TNS3: variants seen among roughly 807,000 people sequenced by gnomAD.
TNS3 encodes the protein tensin-3.
Under a neutral mutation model 140.9 loss-of-function variants are expected in TNS3, and 45 were observed. That is an observed-to-expected ratio of 0.32 (90% CI 0.25 to 0.41). TNS3 has a LOEUF of 0.41. Ranked by LOEUF, TNS3 falls within the 10% of genes least tolerant of loss-of-function variation. TNS3 has a pLI of 1.00. For missense variants in TNS3, 1,716 were observed against 1,906.7 expected, an observed-to-expected ratio of 0.90 and a Z score of 1.86; for synonymous variants, 815 against 788.4, an observed-to-expected ratio of 1.03 and a Z score of -0.56.
At chr7:47,468,258 T>C (rs1796804551) in intron 4 of TNS3, among the ~76,000 whole-genome samples, 1 of 152,028 alleles carries the variant, frequency 6.6e-6, no homozygotes, top group African/African-American at 2.4e-5. Flanking sequence ...CTGGCCAACA[T>C]GATGAAACCC....
At chr7:47,521,423 C>T (rs1798974806) in intron 2 of TNS3, among the ~76,000 whole-genome samples, 1 of 152,222 alleles carries the variant, frequency 6.6e-6, no homozygotes, top group Non-Finnish European at 1.5e-5. Flanking sequence ...GACAAGACAG[C>T]ACTCCACTTT....
chr7:47,544,154 C>T (rs555060760), intron 1 of TNS3, among the ~76,000 whole-genome samples: 29 of 152,108 alleles, frequency 1.9e-4, no homozygotes, highest in African/African-American at 6.5e-4. Context: ...AGCTAAGTCC[C>T]TGGTAGGATC....
intron 21 of TNS3, among the ~76,000 whole-genome samples, chr7:47,304,007 C>T (rs1401251627): frequency 6.6e-6 from 1 of 152,184 alleles, no homozygotes; most frequent in Non-Finnish European, 1.5e-5. Context: ...CGTGTGCCCT[C>T]GGGAGTAGAA....
At position 47,512,471 on chromosome 7, in the gene TNS3, T is replaced by C. The variant is rs555289230; in HGVS notation, c.-152-5527A>G. On this transcript the variant is annotated intron_variant, in intron 2 of 30. Transcript: ENST00000311160. ...TACCTAAGCAATAAAAAGATAAAAT[T>C]ACATATATATACAAACAAAATATTA... Among the ~76,000 whole-genome samples, 3 of 152,308 alleles carry C rather than the reference T, an allele frequency of 2.0e-5. No individual in the cohort carries two copies. The East Asian group carries it at 5.8e-4, about 29-fold the overall frequency.
intron 4 of TNS3, among the ~76,000 whole-genome samples, chr7:47,472,796 C>T (rs1365393970): frequency 6.6e-6 from 1 of 152,180 alleles, no homozygotes; most frequent in African/African-American, 2.4e-5. Flanking sequence ...AACCAGCCTG[C>T]ACTACATCCA....
At chr7:47,572,934 A>T (rs1265871879) in intron 1 of TNS3, among the ~76,000 whole-genome samples, 1 of 152,148 alleles carries the variant, frequency 6.6e-6, no homozygotes, top group African/African-American at 2.4e-5. Flanking sequence ...TTTTCATCAG[A>T]ATAATCTGGT....
chr7:47,482,284 A>G (rs1208154196), intron 3 of TNS3, among the ~76,000 whole-genome samples: 9 of 152,186 alleles, frequency 5.9e-5, no homozygotes, highest in Non-Finnish European at 1.3e-4. Context: ...ATAACTATTT[A>G]TAGCCTCTTG....
chr7:47,555,784 G>A (rs1313641663), intron 1 of TNS3, among the ~76,000 whole-genome samples: 1 of 152,192 alleles, frequency 6.6e-6, no homozygotes, highest in East Asian at 1.9e-4. Context: ...TAGACATACT[G>A]CCATTTTCAC....
intron 20 of TNS3, among the ~76,000 whole-genome samples, chr7:47,308,505 T>C (rs1356965820): frequency 6.6e-6 from 1 of 152,246 alleles, no homozygotes; most frequent in Non-Finnish European, 1.5e-5. Flanking sequence ...TTTGATTGCC[T>C]GGTAATTTTT....
intron 4 of TNS3, among the ~76,000 whole-genome samples, chr7:47,457,790 C>G (rs1461027488): frequency 2.0e-5 from 3 of 152,194 alleles, no homozygotes; most frequent in Non-Finnish European, 4.4e-5. Flanking sequence ...AGGCAGGGAG[C>G]CTGACTCAAA....
At chr7:47,419,406 A>G (rs1794254934) in intron 10 of TNS3, among the ~76,000 whole-genome samples, 1 of 152,264 alleles carries the variant, frequency 6.6e-6, no homozygotes, top group Non-Finnish European at 1.5e-5. Flanking sequence ...CAGTGAGAGA[A>G]GTATGACAGT....
Position 47,303,009 on chromosome 7 carries a change from G to A in TNS3, c.3398C>T (p.Pro1133Leu). ...AAAGTCGGGAAGGACATTTGGGAAG[G>A]GGATACTGATGGTGCTCCCGCTGTG... ...SPHSGSTISI[P>L]FPNVLPDFSK... The change falls in exon 22 of 31, where the codon CCC becomes CTC. Residue 1133 changes from proline (P) to leucine (L), a missense_variant. By Grantham distance (98) the Pro-to-Leu change is moderately conservative. This residue lies in a region of TNS3 where 1,163 missense variants were observed against 1,182.1 expected (regional missense o/e 0.98). Coordinates refer to ENST00000311160, the MANE Select transcript of TNS3 (RefSeq NM_022748.12). 1.9e-6 allele frequency: 3 copies of A among 1,613,864 alleles called. No homozygotes were observed. The highest frequency in any genetic ancestry group is 1.3e-5 in the African/African-American group (1 of 75,058).
intron 16 of TNS3, among the ~76,000 whole-genome samples, chr7:47,377,285 G>A (rs539430512): frequency 1.3e-5 from 2 of 152,194 alleles, no homozygotes; most frequent in East Asian, 1.9e-4. Context: ...TTTCAAAAAC[G>A]AGTGCTCATC....
At chr7:47,448,870 A>C (rs1704978) in intron 4 of TNS3, among the ~76,000 whole-genome samples, 62,632 of 151,698 alleles carry the variant, frequency 0.41, 14,489 homozygotes, top group Non-Finnish European at 0.51. Context: ...TGAAATCTGA[A>C]ATCAGACAGA....
At chr7:47,321,787 T>C (rs1787749001) in intron 20 of TNS3, among the ~76,000 whole-genome samples, 1 of 152,048 alleles carries the variant, frequency 6.6e-6, no homozygotes, top group South Asian at 2.1e-4. Context: ...TAGACCAAAT[T>C]GTCCTGATTT....
At chr7:47,341,809 A>G (rs1049224395) in intron 20 of TNS3, among the ~76,000 whole-genome samples, 1 of 151,872 alleles carries the variant, frequency 6.6e-6, no homozygotes, top group African/African-American at 2.4e-5. Context: ...AAGAGCATAA[A>G]CTATTCATTT....
upstream of TNS3, chr7:47,582,236 G>A (rs1784555517): frequency 4.5e-6 from 1 of 220,740 alleles, no homozygotes; most frequent in Non-Finnish European, 9.3e-6. Context: ...CGGGTCACCT[G>A]GCCTCATCAC....
In TNS3 at chr7:47,533,045, C is replaced by G. The variant is rs1799462690; in HGVS notation, c.-264-3898G>C. Among the ~76,000 whole-genome samples, 3 of 141,518 alleles carry G rather than the reference C, an allele frequency of 2.1e-5. No homozygotes were observed. The South Asian group carries it at 6.8e-4, about 32-fold the overall frequency. The allele number at this position is 141,518 out of a possible 152,430, so 92.8% of individuals were successfully genotyped here. A position where few individuals can be genotyped will look rare whatever the true frequency, so the allele number is the denominator to read the frequency against. On this transcript the variant is annotated intron_variant, in intron 1 of 30. Coordinates refer to ENST00000311160, the MANE Select transcript of TNS3 (RefSeq NM_022748.12). ...ATTCAAACCTTGCCATATTAATAAT[C>G]ATATTTATGTAAATAGTCTAAGTAT...
intron 16 of TNS3, among the ~76,000 whole-genome samples, chr7:47,391,110 C>G (rs1400579737): frequency 1.3e-5 from 2 of 152,200 alleles, no homozygotes; most frequent in Non-Finnish European, 2.9e-5. Context: ...ACACTTCCAC[C>G]CCGTGAATAT....
Sources: allele counts gnomAD v4.1 joint callset (sites outside exome capture counted in the v4.1 genomes callset), GRCh38; gene constraint gnomAD v4.1.1; regional missense constraint gnomAD v4.1.1; transcripts MANE v1.5; gene names NCBI Gene and HGNC (gene_info 2026-07-23, HGNC 2026-07-21).